Variants in DOT1L observed in about 807,000 individuals in gnomAD.
The protein encoded by DOT1L is DOT1 like histone lysine methyltransferase.
Under a neutral mutation model 153.3 loss-of-function variants are expected in DOT1L, and 33 were observed. The ratio of observed to expected loss-of-function variants is 0.22; its 90% CI spans 0.16 to 0.29. The LOEUF is 0.29. Ranked by LOEUF, DOT1L falls within the 10% of genes least tolerant of loss-of-function variation. The probability of loss-of-function intolerance (pLI) is 1.00; values close to 1 mark genes in which losing one functional copy is unlikely to be tolerated. For synonymous variants in DOT1L, 1,135 were observed against 965.1 expected, an observed-to-expected ratio of 1.18 and a Z score of -3.26; for missense variants, 1,847 against 2,119.9, an observed-to-expected ratio of 0.87 and a Z score of 2.53.
intron 25 of DOT1L, 129 bp downstream of exon 25, chr19:2,223,615 A>G (rs2144914566): frequency 9.1e-7 from 1 of 1,104,320 alleles, no homozygotes; most frequent in South Asian, 1.6e-5. Context: ...GGATGGGAGG[A>G]AGGCGTCTGT....
chr19:2,220,818 A>G lies in DOT1L; in HGVS notation c.2806+596A>G, dbSNP rs2024089227. The G allele has an allele frequency of 3.2e-6, 1 of 310,628 alleles. No homozygotes were observed. Among genetic ancestry groups the G allele is most frequent in the African/African-American group, 2.2e-5 (1 of 46,042 alleles). The allele number at this position is 310,628 out of a possible 1,614,324, so 19.2% of individuals were successfully genotyped here. A position where few individuals can be genotyped will look rare whatever the true frequency, so the allele number is the denominator to read the frequency against. ...AAACAGCAGAGGACATGAGACCCCCAGGCTGGTTTGCTGGCCCCAGGTTGA... is the reference window on the plus strand; with the variant it reads ...AAACAGCAGAGGACATGAGACCCCCGGGCTGGTTTGCTGGCCCCAGGTTGA... On this transcript the variant is annotated intron_variant, in intron 23 of 27. Coordinates refer to ENST00000398665, the MANE Select transcript of DOT1L (RefSeq NM_032482.3). This position sits in a 1 kb window ranked among gnomAD's most constrained non-coding sequence, Gnocchi z 4.5.
intron 7 of DOT1L, among the ~76,000 whole-genome samples, chr19:2,199,683 C>T (rs1391573970): frequency 1.3e-5 from 2 of 152,224 alleles, no homozygotes; most frequent in East Asian, 1.9e-4. Flanking sequence ...CTCAGGAGGT[C>T]CTGCCCGTTC....
Position 2,227,540 on chromosome 19 carries a change from G to A in DOT1L, c.4606+413G>A, listed in dbSNP as rs528464072. On this transcript the variant is annotated intron_variant, in intron 27 of 27. Transcript: ENST00000398665. ...CCGCCGGGGGGAGCGGCCTGGCCCT[G>A]GGGCTGCTGCGGGGCGGGGGGCCGG... 1.6e-4 allele frequency: 97 copies of A among 593,782 alleles called. 1 individual carries two copies. Among genetic ancestry groups the A allele is most frequent in the South Asian group, 1.6e-3 (94 of 57,860 alleles). The allele number at this position is 593,782 out of a possible 1,614,324, so 36.8% of individuals were successfully genotyped here.
chr19:2,191,290 C>G lies in DOT1L; in HGVS notation c.493+50C>G, dbSNP rs1568340766. ...CTCCTGTGCACTTCCAGGCCACACGCTCTGTGCCTGCCCCATGCCTGCTTG... is the reference window on the plus strand; with the variant it reads ...CTCCTGTGCACTTCCAGGCCACACGGTCTGTGCCTGCCCCATGCCTGCTTG... On this transcript the variant is annotated intron_variant, in intron 5 of 27. Transcript: ENST00000398665. The surrounding 1 kb of genome is among the most constrained non-coding windows in gnomAD (Gnocchi z 6.8). The G allele has an allele frequency of 5.1e-6, 8 of 1,570,130 alleles. No homozygotes were observed. The highest frequency in any genetic ancestry group is 7.0e-6 in the Non-Finnish European group (8 of 1,142,282).
intron 9 of DOT1L, among the ~76,000 whole-genome samples, chr19:2,206,290 A>G (rs1415848302): frequency 6.6e-6 from 1 of 152,074 alleles, no homozygotes; most frequent in Non-Finnish European, 1.5e-5. Context: ...CGCGCCGAGA[A>G]TGTTTTTTAA....
chr19:2,171,261 G>T lies in DOT1L; in HGVS notation c.81+6996G>T, dbSNP rs117809164. On this transcript the variant is annotated intron_variant, in intron 1 of 27. Coordinates refer to ENST00000398665, the MANE Select transcript of DOT1L (RefSeq NM_032482.3). ...CAGGGGCCCCAGAGGAGTCCTCCAG[G>T]GGAAGGACTGCGAGAATGCTGTGGC... Among the ~76,000 whole-genome samples the T allele has an allele frequency of 8.1e-3, 1,232 of 152,306 alleles. 9 individuals are homozygous for T. The highest frequency in any genetic ancestry group is 0.013 in the Non-Finnish European group (892 of 68,024).
At chr19:2,171,338 C>T (rs529206734) in intron 1 of DOT1L, among the ~76,000 whole-genome samples, 6 of 152,292 alleles carry the variant, frequency 3.9e-5, no homozygotes, top group South Asian at 2.1e-4. Context: ...CTTCTGGTCC[C>T]GAATTGTACT....
At chr19:2,213,775 G>T in intron 17 of DOT1L, 74 bp from the exon 18 acceptor site, 1 of 1,606,412 alleles carries the variant, frequency 6.2e-7, no homozygotes, top group Non-Finnish European at 8.5e-7. Flanking sequence ...TGGGCTGCAG[G>T]GGTGGTCATG....
At position 2,207,551 on chromosome 19, in the gene DOT1L, G is replaced by A. The variant is rs1417816824; in HGVS notation, c.857-23G>A. Reference sequence around the variant, plus strand: ...GGGGCTGTGGGCAGGCGCAGGCCCCGGCCTCACCTGTGGCTCCTGCAGACA... The same window carrying A: ...GGGGCTGTGGGCAGGCGCAGGCCCCAGCCTCACCTGTGGCTCCTGCAGACA... On this transcript the variant is annotated intron_variant, in intron 10 of 27. Transcript: ENST00000398665. The surrounding 1 kb of genome is among the most constrained non-coding windows in gnomAD (Gnocchi z 4.5). The A allele has an allele frequency of 3.8e-6, 6 of 1,598,542 alleles. No homozygotes were observed. The highest frequency in any genetic ancestry group is 5.1e-6 in the Non-Finnish European group (6 of 1,174,300).
chr19:2,205,062 C>T (rs143945807), intron 9 of DOT1L, among the ~76,000 whole-genome samples: 1 of 152,068 alleles, frequency 6.6e-6, no homozygotes, highest in Admixed American at 6.6e-5. Flanking sequence ...GCTCCGCCTC[C>T]CAGGTTCACG....
At position 2,190,776 on chromosome 19, in the gene DOT1L, G is replaced by A. The variant is rs879821082; in HGVS notation, c.265-236G>A. Reference sequence around the variant, plus strand: ...GGGAGAGAGGCCCGTGGCAGGAGGTGGAGCCTCCTAGGACCCCTCTGAGTT... The same window carrying A: ...GGGAGAGAGGCCCGTGGCAGGAGGTAGAGCCTCCTAGGACCCCTCTGAGTT... On this transcript the variant is annotated intron_variant, in intron 4 of 27. Coordinates refer to ENST00000398665, the MANE Select transcript of DOT1L (RefSeq NM_032482.3). This position sits in a 1 kb window ranked among gnomAD's most constrained non-coding sequence, Gnocchi z 4.8. Among the ~76,000 whole-genome samples the A allele has an allele frequency of 1.1e-4, 16 of 151,956 alleles. No individual in the cohort carries two copies. The highest frequency in any genetic ancestry group is 2.2e-4 in the Non-Finnish European group (15 of 67,936).
At position 2,217,737 on chromosome 19, in the gene DOT1L, T is replaced by G; in HGVS notation, c.2545-35T>G. ...GTCCCTGTGTCCTGGAGGGGTTTGTTGACCCACGACTGGGGGTCGGGCCTT... is the reference window on the plus strand; with the variant it reads ...GTCCCTGTGTCCTGGAGGGGTTTGTGGACCCACGACTGGGGGTCGGGCCTT... On this transcript the variant is annotated intron_variant, in intron 21 of 27. Coordinates refer to ENST00000398665, the MANE Select transcript of DOT1L (RefSeq NM_032482.3). The surrounding 1 kb of genome is among the most constrained non-coding windows in gnomAD (Gnocchi z 7.3). 6.3e-7 allele frequency: 1 copy of G among 1,578,870 alleles called. No homozygotes were observed. Among genetic ancestry groups the G allele is most frequent in the Non-Finnish European group, 8.6e-7 (1 of 1,163,510 alleles).
At chr19:2,228,622 C>T (rs985449184) in intron 27 of DOT1L, 39 of 985,224 alleles carry the variant, frequency 4.0e-5, no homozygotes, top group East Asian at 1.1e-4. Context: ...GCGGTGACGC[C>T]GCAGGACTGA....
rs2023943226 is a variant in DOT1L, at chr19:2,217,248, C to T, written c.2544+158C>T. ...ATGTTGTGGCAGAGTTGGGGGCAACCAGTAAGGACAGGTCACAGGTGACGT... is the reference window on the plus strand; with the variant it reads ...ATGTTGTGGCAGAGTTGGGGGCAACTAGTAAGGACAGGTCACAGGTGACGT... On this transcript the variant is annotated intron_variant, in intron 21 of 27. Coordinates refer to ENST00000398665, the MANE Select transcript of DOT1L (RefSeq NM_032482.3). The surrounding 1 kb of genome is among the most constrained non-coding windows in gnomAD (Gnocchi z 7.3). 6.6e-6 allele frequency among the ~76,000 whole-genome samples: 1 copy of T among 152,134 alleles called. No homozygotes were observed. Among genetic ancestry groups the T allele is most frequent in the African/African-American group, 2.4e-5 (1 of 41,424 alleles).
intron 1 of DOT1L, among the ~76,000 whole-genome samples, chr19:2,166,102 T>TTA (rs1208412845): frequency 6.7e-6 from 1 of 150,214 alleles, no homozygotes; most frequent in Non-Finnish European, 1.5e-5. Flanking sequence ...TTATGTTATG[T>TTA]TGTTATTTTT....
rs944763169 is a variant in DOT1L at position 2,231,100 on chromosome 19, C to T, written c.*1308C>T. The T allele has an allele frequency of 3.9e-5, 9 of 231,002 alleles. No homozygotes were observed. The highest frequency in any genetic ancestry group is 7.7e-5 in the Non-Finnish European group (9 of 116,862). The allele number at this position is 231,002 out of a possible 1,614,324, so 14.3% of individuals were successfully genotyped here. On this transcript the variant is annotated 3_prime_UTR_variant, in exon 28 of 28. Coordinates refer to ENST00000398665, the MANE Select transcript of DOT1L (RefSeq NM_032482.3). Reference sequence around the variant, plus strand: ...GTGTAGCAGGCAGGCAGGGCCACTCCAGTGCTTCTGGAGCCCTGAGCAGTC... The same window carrying T: ...GTGTAGCAGGCAGGCAGGGCCACTCTAGTGCTTCTGGAGCCCTGAGCAGTC...
chr19:2,178,078 A>G (rs1267394168), intron 1 of DOT1L, among the ~76,000 whole-genome samples: 2 of 149,232 alleles, frequency 1.3e-5, no homozygotes, highest in East Asian at 3.9e-4. Context: ...ACGCACCACC[A>G]TGCCCAGCTA....
At position 2,229,622 on chromosome 19, in the gene DOT1L, CGTCT is replaced by C. The variant is rs2024512765; in HGVS notation, c.4607-160_4607-157del. 5.1e-6 allele frequency: 5 copies of C among 985,330 alleles called. No individual in the cohort carries two copies. The African/African-American group carries it at 8.7e-5, about 17-fold the overall frequency. The allele number at this position is 985,330 out of a possible 1,614,324, so 61.0% of individuals were successfully genotyped here. The stretch of plus-strand genomic sequence containing the variant: ...CTGGTCTGTCACGGGGCACGCCCGT[CGTCT>C]GTTGTGGTTAGAGGAGCTGGCACTA... On this transcript the variant is annotated intron_variant, in intron 27 of 27. Coordinates refer to ENST00000398665, the MANE Select transcript of DOT1L (RefSeq NM_032482.3).
intron 9 of DOT1L, among the ~76,000 whole-genome samples, chr19:2,203,142 C>T (rs2023359514): frequency 6.6e-6 from 1 of 151,732 alleles, no homozygotes; most frequent in Non-Finnish European, 1.5e-5. Context: ...TCACTGTGTC[C>T]CCCAGGCTGT....
Sources: gnomAD v4.1 joint callset for allele counts (sites outside exome capture counted in the v4.1 genomes callset) on GRCh38, gnomAD v4.1.1 for gene constraint, Gnocchi (gnomAD v3.1) non-coding constraint, MANE v1.5 for transcripts, NCBI Gene and HGNC (gene_info 2026-07-23, HGNC 2026-07-21) for gene names.